Variants in ADGB observed in about 807,000 individuals in gnomAD.
The protein encoded by ADGB is androglobin.
A neutral mutation model predicts 210.5 loss-of-function variants in ADGB; 172 were observed. That is an observed-to-expected ratio of 0.82 (90% CI 0.72 to 0.93). The LOEUF is 0.93. Ranked by LOEUF, ADGB falls within the 40% of genes least tolerant of loss-of-function variation. ADGB has a pLI of 0.00. For missense variants in ADGB, 2,025 were observed against 1,964.8 expected, an observed-to-expected ratio of 1.03 and a Z score of -0.58; for synonymous variants, 658 against 662.7, an observed-to-expected ratio of 0.99 and a Z score of 0.11.
chr6:146,630,294 A>G (rs1010448344), intron 1 of ADGB, among the ~76,000 whole-genome samples: 3 of 152,060 alleles, frequency 2.0e-5, no homozygotes, highest in Non-Finnish European at 4.4e-5. Context: ...AGGATCACAC[A>G]TGCTTGTAGT....
At chr6:146,768,346 A>G (rs1390746770) in intron 28 of ADGB, among the ~76,000 whole-genome samples, 3 of 152,226 alleles carry the variant, frequency 2.0e-5, no homozygotes, top group Admixed American at 2.0e-4. Context: ...AAAGACAAAA[A>G]GATATAGCAG....
chr6:146,692,328 T>G (rs150756690), intron 11 of ADGB, among the ~76,000 whole-genome samples: 1 of 152,180 alleles, frequency 6.6e-6, no homozygotes, highest in Non-Finnish European at 1.5e-5. Flanking sequence ...CCTTTAGGAA[T>G]ATCCACAACA....
At chr6:146,734,895 G>A (rs565865993) in intron 22 of ADGB, among the ~76,000 whole-genome samples, 18 of 152,224 alleles carry the variant, frequency 1.2e-4, no homozygotes, top group African/African-American at 4.3e-4. Flanking sequence ...TAGCCTGGGC[G>A]ACAGGGTGAG....
At chr6:146,689,302 A>G (rs918870836) in intron 10 of ADGB, among the ~76,000 whole-genome samples, 19 of 152,166 alleles carry the variant, frequency 1.2e-4, no homozygotes, top group African/African-American at 4.6e-4. Flanking sequence ...CCTTGAACAA[A>G]CTTTCTCAGC....
intron 3 of ADGB, among the ~76,000 whole-genome samples, chr6:146,649,901 G>A (rs1199188856): frequency 6.6e-6 from 1 of 152,080 alleles, no homozygotes; most frequent in Admixed American, 6.6e-5. Context: ...AGCCAGTTTG[G>A]TAGTATGTTA....
intron 2 of ADGB, among the ~76,000 whole-genome samples, chr6:146,642,331 C>T (rs1435311496): frequency 1.3e-5 from 2 of 151,894 alleles, no homozygotes; most frequent in Non-Finnish European, 2.9e-5. Context: ...TATGTCAATT[C>T]CTCAAAGAGG....
intron 33 of ADGB, among the ~76,000 whole-genome samples, chr6:146,790,086 G>T (rs922687414): frequency 6.6e-6 from 1 of 151,928 alleles, no homozygotes; most frequent in Non-Finnish European, 1.5e-5. Context: ...TATATTTATG[G>T]GGTACAATGG....
At chr6:146,616,309 T>A (rs2114835504) in intron 1 of ADGB, among the ~76,000 whole-genome samples, 1 of 151,514 alleles carries the variant, frequency 6.6e-6, no homozygotes, top group Non-Finnish European at 1.5e-5. Context: ...GTTTTCTATA[T>A]ATTCTAGTTA....
At chr6:146,647,596 A>G (rs1365844991) in intron 3 of ADGB, among the ~76,000 whole-genome samples, 1 of 152,104 alleles carries the variant, frequency 6.6e-6, no homozygotes, top group Admixed American at 6.6e-5. Context: ...ATAGTTTGGG[A>G]AAACATTGTG....
intron 26 of ADGB, among the ~76,000 whole-genome samples, chr6:146,748,828 C>A (rs992269015): frequency 3.3e-5 from 5 of 152,150 alleles, no homozygotes; most frequent in Non-Finnish European, 7.3e-5. Flanking sequence ...AATCCACCTG[C>A]CTTGGCCTCC....
At chr6:146,667,656 T>G (rs1775954284) in intron 7 of ADGB, among the ~76,000 whole-genome samples, 1 of 152,072 alleles carries the variant, frequency 6.6e-6, no homozygotes, top group Non-Finnish European at 1.5e-5. Context: ...TTTATTATGG[T>G]AAAACATTTG....
At chr6:146,724,361 A>T in intron 18 of ADGB, 34 bp downstream of exon 18, 2 of 1,487,786 alleles carry the variant, frequency 1.3e-6, no homozygotes, top group East Asian at 5.1e-5. Flanking sequence ...CATAATAAAA[A>T]TTGTTTGAAG....
rs566716782 is a variant in ADGB, at chr6:146,662,675, T to C, written c.613-1526T>C. 1.1e-4 allele frequency among the ~76,000 whole-genome samples: 17 copies of C among 152,062 alleles called. No homozygotes were observed. The East Asian group carries it at 2.1e-3, about 19-fold the overall frequency. On this transcript the variant is annotated intron_variant, in intron 5 of 35. Coordinates refer to ENST00000397944, the MANE Select transcript of ADGB (RefSeq NM_024694.4). ...GAGACTTTTCTGGGTTTTGGTATGA[T>C]AGGTAATTTTATACAGTTTCCTGAA...
intron 7 of ADGB, among the ~76,000 whole-genome samples, chr6:146,667,540 T>C (rs966149949): frequency 2.6e-5 from 4 of 152,002 alleles, no homozygotes; most frequent in Admixed American, 2.0e-4. Flanking sequence ...AGCTCAGCAG[T>C]CCTTCATATT....
rs533653987 is a variant in ADGB, at chr6:146,620,738, C to T, written c.75-14637C>T. Among the ~76,000 whole-genome samples the T allele has an allele frequency of 2.6e-5, 4 of 152,212 alleles. No homozygotes were observed. In the East Asian group the frequency reaches 5.8e-4, roughly 22 times the overall value. On this transcript the variant is annotated intron_variant, in intron 1 of 35. Coordinates refer to ENST00000397944, the MANE Select transcript of ADGB (RefSeq NM_024694.4). ...TTCTGTCAGGTATTTCTGTGATTCT[C>T]TAAACCTCTTTAAGAGAATTATTCT...
intron 13 of ADGB, among the ~76,000 whole-genome samples, chr6:146,711,147 A>G (rs1426478694): frequency 6.6e-6 from 1 of 152,230 alleles, no homozygotes; most frequent in Non-Finnish European, 1.5e-5. Flanking sequence ...TTGAAACAAC[A>G]TTCCTGTTTT....
intron 13 of ADGB, among the ~76,000 whole-genome samples, chr6:146,708,639 T>C (rs1776612815): frequency 1.3e-5 from 2 of 152,188 alleles, no homozygotes; most frequent in Non-Finnish European, 2.9e-5. Flanking sequence ...ATCCTCTCTT[T>C]GTCTTTGATT....
rs117076339 is a variant in ADGB at position 146,690,604 on chromosome 6, G to T, written c.1312-512G>T. On this transcript the variant is annotated intron_variant, in intron 10 of 35. Coordinates refer to ENST00000397944, the MANE Select transcript of ADGB (RefSeq NM_024694.4). Reference sequence around the variant, plus strand: ...TATCTGCCTGGGCAACTCCTTGATTGTAATCATGTGTAATCATGGGGATCT... The same window carrying T: ...TATCTGCCTGGGCAACTCCTTGATTTTAATCATGTGTAATCATGGGGATCT... Among the ~76,000 whole-genome samples, 180 of 152,254 alleles carry T rather than the reference G, an allele frequency of 1.2e-3. No homozygotes were observed. The Middle Eastern group carries it at 0.014, about 12-fold the overall frequency.
At chr6:146,621,395 G>A (rs923106746) in intron 1 of ADGB, among the ~76,000 whole-genome samples, 1 of 152,036 alleles carries the variant, frequency 6.6e-6, no homozygotes, top group Admixed American at 6.6e-5. Flanking sequence ...AGCTTTCCTG[G>A]TACACCCAAT....
Sources: allele counts gnomAD v4.1 joint callset (sites outside exome capture counted in the v4.1 genomes callset), GRCh38; gene constraint gnomAD v4.1.1; transcripts MANE v1.5; gene names NCBI Gene and HGNC (gene_info 2026-07-23, HGNC 2026-07-21).